The following NKAIN2 variants were observed in gnomAD, a reference collection of about 807,000 sequenced individuals.
NKAIN2 encodes sodium/potassium-transporting ATPase subunit beta-1-interacting protein 2.
Under a neutral mutation model 32.6 loss-of-function variants are expected in NKAIN2, and 14 were observed. The observed-to-expected ratio is 0.43, with a 90% CI of 0.28 to 0.67. The LOEUF (loss-of-function observed/expected upper bound fraction) is 0.67, where lower values mean the gene tolerates loss of function less well. Among genes scored for constraint, NKAIN2 ranks in the 30% least tolerant of loss-of-function variants. The pLI, the probability that NKAIN2 is intolerant of heterozygous loss-of-function variation, is 0.17. For synonymous variants in NKAIN2, 80 were observed against 87.2 expected, an observed-to-expected ratio of 0.92 and a Z score of 0.46; for missense variants, 198 against 258.3, an observed-to-expected ratio of 0.77 and a Z score of 1.60.
At chr6:124,551,634 C>T (rs1780291297) in intron 3 of NKAIN2, among the ~76,000 whole-genome samples, 2 of 152,152 alleles carry the variant, frequency 1.3e-5, no homozygotes, top group Non-Finnish European at 2.9e-5. Flanking sequence ...CTTAAGGGGT[C>T]AAAGTGAGCT....
intron 1 of NKAIN2, among the ~76,000 whole-genome samples, chr6:123,819,865 C>A (rs955742622): frequency 1.3e-5 from 2 of 152,186 alleles, no homozygotes; most frequent in Non-Finnish European, 2.9e-5. Flanking sequence ...TTGTTCATTG[C>A]TTCACAAGTT....
intron 1 of NKAIN2, among the ~76,000 whole-genome samples, chr6:124,169,745 A>T (rs1788753296): frequency 6.6e-6 from 1 of 151,996 alleles, no homozygotes; most frequent in South Asian, 2.1e-4. Context: ...CTTAGGATGG[A>T]AATCTTCTTA....
rs137894928 is a variant in NKAIN2, at chr6:124,388,311, C to T, written c.273+32964C>T. On this transcript the variant is annotated intron_variant, in intron 3 of 6. Coordinates refer to ENST00000368417, the MANE Select transcript of NKAIN2 (RefSeq NM_001040214.3). ...ATTCACTATTATGTCCTATTTATTA[C>T]TCAGGCTAGAAACCTCTACGGTGGT... Among the ~76,000 whole-genome samples, 446 of 152,066 alleles carry T rather than the reference C, an allele frequency of 2.9e-3. 1 individual carries two copies. The highest frequency in any genetic ancestry group is 0.01 in the African/African-American group (426 of 41,506).
chr6:124,216,684 G>A (rs1021299699), intron 1 of NKAIN2, among the ~76,000 whole-genome samples: 1 of 152,150 alleles, frequency 6.6e-6, no homozygotes, highest in Non-Finnish European at 1.5e-5. Flanking sequence ...CACTAAATAA[G>A]TTTCATTCAG....
chr6:123,867,816 T>A (rs945471337), intron 1 of NKAIN2, among the ~76,000 whole-genome samples: 2 of 152,130 alleles, frequency 1.3e-5, no homozygotes, highest in Non-Finnish European at 2.9e-5. Context: ...TGAAAGCTTT[T>A]ATGATATTTG....
intron 1 of NKAIN2, among the ~76,000 whole-genome samples, chr6:123,938,576 TATTTATA>T (rs1259525523): frequency 2.2e-5 from 3 of 135,018 alleles, no homozygotes; most frequent in Non-Finnish European, 4.7e-5. Flanking sequence ...ATATTATATA[TATTTATA>T]TAGTTTTTAT....
intron 1 of NKAIN2, among the ~76,000 whole-genome samples, chr6:123,890,172 G>C (rs557062179): frequency 1.3e-5 from 2 of 152,144 alleles, no homozygotes; most frequent in South Asian, 4.2e-4. Context: ...TGGTGGAGTA[G>C]ACTCCTTGGT....
At chr6:124,261,882 A>T (rs992673170) in intron 1 of NKAIN2, among the ~76,000 whole-genome samples, 6 of 151,294 alleles carry the variant, frequency 4.0e-5, no homozygotes, top group East Asian at 1.9e-4. Context: ...AAAAAAAAAA[A>T]TTTTGAAATG....
chr6:124,742,182 G>T (rs1257720357), intron 4 of NKAIN2, among the ~76,000 whole-genome samples: 1 of 151,918 alleles, frequency 6.6e-6, no homozygotes, highest in Admixed American at 6.6e-5. Context: ...GGGTTACAGG[G>T]TACCCAGATA....
At chr6:124,106,910 A>C (rs1012232600) in intron 1 of NKAIN2, among the ~76,000 whole-genome samples, 3 of 152,214 alleles carry the variant, frequency 2.0e-5, no homozygotes, top group African/African-American at 7.2e-5. Flanking sequence ...ACTCACACAC[A>C]AAAAGGACAA....
At chr6:124,266,893 G>A (rs1973961) in intron 1 of NKAIN2, among the ~76,000 whole-genome samples, 66,366 of 151,960 alleles carry the variant, frequency 0.44, 16,864 homozygotes, top group African/African-American at 0.7. Context: ...TCTTTAAAAT[G>A]CAAGGGAAAG....
intron 3 of NKAIN2, among the ~76,000 whole-genome samples, chr6:124,575,547 G>A (rs1165892366): frequency 6.6e-6 from 1 of 152,158 alleles, no homozygotes. Flanking sequence ...CTGCCACCCT[G>A]CTTCTGCATG....
In NKAIN2 at chr6:124,242,820, T is replaced by A. The variant is rs1793176772; in HGVS notation, c.55-40185T>A. 2.1e-5 allele frequency among the ~76,000 whole-genome samples: 3 copies of A among 144,120 alleles called. No individual in the cohort carries two copies. The South Asian group carries it at 6.4e-4, about 31-fold the overall frequency. 94.5% of individuals were successfully genotyped at this position (144,120 alleles called of 152,430 possible). On this transcript the variant is annotated intron_variant, in intron 1 of 6. Coordinates refer to ENST00000368417, the MANE Select transcript of NKAIN2 (RefSeq NM_001040214.3). ...ACTAAACACTGCATGTTCTCACTCA[T>A]AAGTGGGAGTTGAACAATGAGAACG...
intron 1 of NKAIN2, among the ~76,000 whole-genome samples, chr6:123,958,076 A>G (rs1777680664): frequency 1.3e-5 from 2 of 152,240 alleles, no homozygotes; most frequent in South Asian, 4.1e-4. Context: ...AATCATATCT[A>G]TTGTCCACCC....
At chr6:124,346,798 T>G (rs1798446410) in intron 2 of NKAIN2, among the ~76,000 whole-genome samples, 2 of 152,038 alleles carry the variant, frequency 1.3e-5, no homozygotes, top group Admixed American at 6.6e-5. Flanking sequence ...TATTTGCCAG[T>G]CTGTGCCTTT....
At chr6:123,917,347 T>C (rs1775548397) in intron 1 of NKAIN2, among the ~76,000 whole-genome samples, 1 of 152,150 alleles carries the variant, frequency 6.6e-6, no homozygotes, top group South Asian at 2.1e-4. Flanking sequence ...AAGAAGCCGT[T>C]TTTTTGAAGT....
intron 5 of NKAIN2, among the ~76,000 whole-genome samples, chr6:124,794,170 T>G (rs1244063038): frequency 1.3e-5 from 2 of 152,186 alleles, no homozygotes; most frequent in Admixed American, 6.5e-5. Flanking sequence ...CAGCTAGTGG[T>G]CATTTTGTAG....
In NKAIN2 at chr6:124,282,894, G is replaced by A. The variant is rs574599872; in HGVS notation, c.55-111G>A. 1.1e-4 allele frequency: 98 copies of A among 890,818 alleles called. 2 individuals carry two copies. The South Asian group carries it at 1.5e-3, about 14-fold the overall frequency. The allele number at this position is 890,818 out of a possible 1,614,324, so 55.2% of individuals were successfully genotyped here. A position where few individuals can be genotyped will look rare whatever the true frequency, so the allele number is the denominator to read the frequency against. ...TAGTTAAAGACAAATGCCAGATATG[G>A]TAACACAGTTATAAGTGCTAATTAT... On this transcript the variant is annotated intron_variant, in intron 1 of 6. Transcript: ENST00000368417.
chr6:124,131,291 C>T (rs1786464232), intron 1 of NKAIN2, among the ~76,000 whole-genome samples: 3 of 152,110 alleles, frequency 2.0e-5, no homozygotes, highest in Admixed American at 1.3e-4. Flanking sequence ...ACTATAGGTG[C>T]ATGCCGCCAC....
Sources: allele counts gnomAD v4.1 joint callset (sites outside exome capture counted in the v4.1 genomes callset), GRCh38; gene constraint gnomAD v4.1.1; transcripts MANE v1.5; gene names NCBI Gene and HGNC (gene_info 2026-07-23, HGNC 2026-07-21).